Variants in GAPVD1 observed in about 807,000 individuals in gnomAD.
GAPVD1 encodes the protein GTPase-activating protein and VPS9 domain-containing protein 1.
Under a neutral mutation model 155.5 loss-of-function variants are expected in GAPVD1, and 35 were observed. The observed-to-expected ratio is 0.23, with a 90% confidence interval of 0.17 to 0.30. The LOEUF is 0.30. Among genes scored for constraint, GAPVD1 ranks in the 10% least tolerant of loss-of-function variants. The pLI is 1.00. For missense variants in GAPVD1, 1,429 were observed against 1,775.7 expected, an observed-to-expected ratio of 0.80 and a Z score of 3.51; for synonymous variants, 636 against 619.7, an observed-to-expected ratio of 1.03 and a Z score of -0.39.
intron 17 of GAPVD1, among the ~76,000 whole-genome samples, chr9:125,338,591 T>A (rs1847365847): frequency 6.6e-6 from 1 of 152,236 alleles, no homozygotes; most frequent in Non-Finnish European, 1.5e-5. Flanking sequence ...TTTTCTCGAA[T>A]GTTCCTCAGG....
intron 6 of GAPVD1, 55 bp from the exon 7 acceptor site, chr9:125,307,358 T>G (rs1842015299): frequency 1.5e-6 from 2 of 1,302,464 alleles, no homozygotes; most frequent in East Asian, 5.0e-5. Flanking sequence ...AATGAGAAAT[T>G]TCGTTCCAGT....
rs141367248 is a variant in GAPVD1, at chr9:125,350,299, G to T, written c.3304G>T (p.Ala1102Ser). The T allele has an allele frequency of 1.8e-4, 289 of 1,574,684 alleles. No homozygotes were observed. The highest frequency in any genetic ancestry group is 1.3e-4 in the Non-Finnish European group (149 of 1,163,364). Residue 1102 changes from alanine (A) to serine (S), a missense_variant, in exon 22 of 28, where the codon GCA becomes TCA. Ala to Ser is a moderately conservative substitution (Grantham distance 99). Transcript: ENST00000297933. ...TATTTTCTACTCATTTTTCAGAGAT[G>T]CAAAAAAGAAACTGAGGCTTGCTCT... ...PQDSAFSYRD[A>S]KKKLRLALCS...
intron 15 of GAPVD1, among the ~76,000 whole-genome samples, chr9:125,334,598 C>A (rs1180746122): frequency 6.6e-6 from 1 of 151,988 alleles, no homozygotes; most frequent in Non-Finnish European, 1.5e-5. Context: ...TGGCAGACAT[C>A]TCAAAAATTA....
intron 10 of GAPVD1, among the ~76,000 whole-genome samples, chr9:125,322,263 A>G (rs1844437916): frequency 6.6e-6 from 1 of 152,044 alleles, no homozygotes. Flanking sequence ...ACGGGGTTTC[A>G]CCGTGTTAGC....
chr9:125,279,912 C>T (rs1468607450), intron 2 of GAPVD1, among the ~76,000 whole-genome samples: 2 of 151,306 alleles, frequency 1.3e-5, no homozygotes, highest in African/African-American at 2.4e-5. Context: ...AGGTACGCAC[C>T]ACCATGCCTG....
intron 9 of GAPVD1, among the ~76,000 whole-genome samples, chr9:125,313,885 A>G (rs566642124): frequency 1.3e-5 from 2 of 152,292 alleles, no homozygotes; most frequent in African/African-American, 4.8e-5. Context: ...ACAGGTGTGA[A>G]TCACTGCACC....
intron 11 of GAPVD1, among the ~76,000 whole-genome samples, chr9:125,325,004 C>A (rs1844908589): frequency 6.6e-6 from 1 of 151,710 alleles, no homozygotes; most frequent in Admixed American, 6.6e-5. Context: ...GCAGGTAGAT[C>A]ATTTGAGGTC....
intron 2 of GAPVD1, among the ~76,000 whole-genome samples, chr9:125,280,865 G>A (rs566147484): frequency 6.6e-6 from 1 of 152,066 alleles, no homozygotes; most frequent in Non-Finnish European, 1.5e-5. Flanking sequence ...GTGAGTCAAC[G>A]TGCCCAGCCA....
rs757148526 is a variant in GAPVD1 at position 125,321,418 on chromosome 9, C to T, written c.1603-15C>T. ...CTTTCCATTGATAAACCAAAATTGA[C>T]ATTTTATTTTTTAGGTCCTAAACAT... On this transcript the variant is annotated splice_polypyrimidine_tract_variant and intron_variant, in intron 9 of 27. Coordinates refer to ENST00000297933, the MANE Select transcript of GAPVD1 (RefSeq NM_001282680.3). 9.4e-6 allele frequency: 15 copies of T among 1,600,852 alleles called. No individual in the cohort carries two copies. Among genetic ancestry groups the T allele is most frequent in the Non-Finnish European group, 1.3e-5 (15 of 1,170,958 alleles).
chr9:125,303,305 C>A (rs1380099423), intron 5 of GAPVD1, among the ~76,000 whole-genome samples: 1 of 151,508 alleles, frequency 6.6e-6, no homozygotes, highest in African/African-American at 2.4e-5. Context: ...AGGCGTGAGC[C>A]ACCACTCCTG....
At chr9:125,293,895 T>TATATATATATAG (rs1564312584) in intron 2 of GAPVD1, among the ~76,000 whole-genome samples, 12 of 115,106 alleles carry the variant, frequency 1.0e-4, no homozygotes, top group Admixed American at 9.8e-4. Context: ...TATATATATA[T>TATATATATATAG]ATATATATAA....
intron 20 of GAPVD1, among the ~76,000 whole-genome samples, chr9:125,348,330 T>A (rs575504654): frequency 2.6e-5 from 4 of 152,284 alleles, no homozygotes; most frequent in Admixed American, 2.6e-4. Flanking sequence ...ATAAGGATAT[T>A]TTCATATATG....
At chr9:125,336,995 T>A (rs1369000395) in intron 15 of GAPVD1, 23 bp from the exon 16 acceptor site, 5 of 1,472,844 alleles carry the variant, frequency 3.4e-6, no homozygotes, top group Non-Finnish European at 4.8e-6. Flanking sequence ...TGGCTTGGTC[T>A]CACAGTTTCC....
chr9:125,326,298 A>T (rs1326105870), intron 11 of GAPVD1, 118 bp from the exon 12 acceptor site: 1 of 660,902 alleles, frequency 1.5e-6, no homozygotes, highest in East Asian at 2.8e-5. Context: ...CGGGCGGATC[A>T]CCTGAGATTG....
chr9:125,308,865 G>T (rs1842258132), intron 8 of GAPVD1: 2 of 152,148 alleles, frequency 1.3e-5, no homozygotes, highest in African/African-American at 4.8e-5. Flanking sequence ...GCGTTCTGAG[G>T]AGATAAATAT....
Position 125,354,909 on chromosome 9 carries a change from G to C in GAPVD1, c.3757+68G>C, listed in dbSNP as rs1406073598. 2.7e-6 allele frequency: 3 copies of C among 1,115,996 alleles called. No homozygotes were observed. In the East Asian group the frequency reaches 7.1e-5, roughly 27 times the overall value. The allele number at this position is 1,115,996 out of a possible 1,614,324, so 69.1% of individuals were successfully genotyped here. A position where few individuals can be genotyped will look rare whatever the true frequency, so the allele number is the denominator to read the frequency against. ...ACTGTTGGGAAGATTTAGAAATACT[G>C]TTTTGTTTTGCTAGTTTGTTCAAGT... On this transcript the variant is annotated intron_variant, in intron 24 of 27. Transcript: ENST00000297933.
chr9:125,262,651 A>C (rs1833121292), intron 1 of GAPVD1, among the ~76,000 whole-genome samples: 1 of 152,202 alleles, frequency 6.6e-6, no homozygotes, highest in Non-Finnish European at 1.5e-5. Flanking sequence ...AGGAGGAATC[A>C]GTGTTTTTAT....
At chr9:125,293,644 TA>T (rs1238412690) in intron 2 of GAPVD1, among the ~76,000 whole-genome samples, 1 of 129,904 alleles carries the variant, frequency 7.7e-6, no homozygotes, top group African/African-American at 2.9e-5. Flanking sequence ...ATATATAATA[TA>T]AAAATATATA....
chr9:125,360,412 AAG>A, intron 26 of GAPVD1, 114 bp from the exon 27 acceptor site: 1 of 717,808 alleles, frequency 1.4e-6, no homozygotes, highest in Non-Finnish European at 2.4e-6. Flanking sequence ...GGTTTTACCA[AAG>A]AGAGGAAAAA....
Sources: allele counts gnomAD v4.1 joint callset (sites outside exome capture counted in the v4.1 genomes callset), GRCh38; gene constraint gnomAD v4.1.1; transcripts MANE v1.5; gene names NCBI Gene and HGNC (gene_info 2026-07-23, HGNC 2026-07-21).